LDB2: variants seen among roughly 807,000 people sequenced by gnomAD.
LDB2 encodes LIM domain binding 2.
LDB2 carries 12 observed loss-of-function variants against 44.3 expected under a neutral mutation model. The ratio of observed to expected loss-of-function variants is 0.27; its 90% CI spans 0.17 to 0.44. LDB2 has a LOEUF of 0.44. Ranked by LOEUF, LDB2 falls within the 20% of genes least tolerant of loss-of-function variation. The probability of loss-of-function intolerance (pLI) is 1.00; values close to 1 mark genes in which losing one functional copy is unlikely to be tolerated. For synonymous variants in LDB2, 164 were observed against 174.8 expected (o/e 0.94, Z 0.49); for missense variants, 344 against 473.5 (o/e 0.73, Z 2.54).
At chr4:16,727,274 G>C (rs1376627290) in intron 2 of LDB2, among the ~76,000 whole-genome samples, 1 of 152,158 alleles carries the variant, frequency 6.6e-6, no homozygotes, top group Admixed American at 6.5e-5. Flanking sequence ...AGAAGAGCAG[G>C]GGAGGTTCTT....
chr4:16,656,346 A>T (rs781505628), intron 2 of LDB2, among the ~76,000 whole-genome samples: 1 of 152,310 alleles, frequency 6.6e-6, no homozygotes, highest in African/African-American at 2.4e-5. Context: ...AGTCAGAAGG[A>T]GAGCACAGTA....
intron 2 of LDB2, among the ~76,000 whole-genome samples, chr4:16,619,014 G>A (rs1728137356): frequency 6.6e-6 from 1 of 152,182 alleles, no homozygotes; most frequent in Non-Finnish European, 1.5e-5. Flanking sequence ...CTTTCGCCAT[G>A]ATTGTAAGTT....
intron 5 of LDB2, among the ~76,000 whole-genome samples, chr4:16,518,010 G>A (rs1724503471): frequency 6.6e-6 from 1 of 152,178 alleles, no homozygotes; most frequent in Non-Finnish European, 1.5e-5. Flanking sequence ...GTGCTCTGAA[G>A]TGATGAATTT....
At chr4:16,526,482 C>T (rs1262688179) in intron 5 of LDB2, among the ~76,000 whole-genome samples, 1 of 152,188 alleles carries the variant, frequency 6.6e-6, no homozygotes, top group East Asian at 1.9e-4. Flanking sequence ...ATATCTACTG[C>T]AGAACTCCTC....
chr4:16,708,532 T>C (rs1755125648), intron 2 of LDB2, among the ~76,000 whole-genome samples: 1 of 152,096 alleles, frequency 6.6e-6, no homozygotes, highest in African/African-American at 2.4e-5. Context: ...ACTTACCACC[T>C]ACCACCTTCC....
chr4:16,781,742 G>A (rs1239053600), intron 1 of LDB2, among the ~76,000 whole-genome samples: 4 of 152,112 alleles, frequency 2.6e-5, no homozygotes, highest in East Asian at 1.9e-4. Flanking sequence ...CTGGAATCTC[G>A]GAATGTGACC....
chr4:16,707,407 T>C (rs113658230), intron 2 of LDB2, among the ~76,000 whole-genome samples: 127 of 152,256 alleles, frequency 8.3e-4, no homozygotes, highest in African/African-American at 3.0e-3. Flanking sequence ...AATGGCCAAA[T>C]GGACATGGGA....
chr4:16,545,945 G>A (rs1011486045), intron 5 of LDB2, among the ~76,000 whole-genome samples: 36 of 152,318 alleles, frequency 2.4e-4, no homozygotes, highest in African/African-American at 7.9e-4. Context: ...AATTCGAGGT[G>A]AAATTTCCAA....
At chr4:16,727,309 T>C (rs1759717378) in intron 2 of LDB2, among the ~76,000 whole-genome samples, 1 of 152,172 alleles carries the variant, frequency 6.6e-6, no homozygotes, top group Admixed American at 6.5e-5. Context: ...AGAAACAACC[T>C]CAGCAATTTC....
intron 2 of LDB2, among the ~76,000 whole-genome samples, chr4:16,703,842 T>G (rs2152640059): frequency 6.6e-6 from 1 of 152,350 alleles, no homozygotes; most frequent in East Asian, 1.9e-4. Context: ...AAATTAGATA[T>G]AATTTATGTG....
chr4:16,671,745 C>G (rs1460164097), intron 2 of LDB2, among the ~76,000 whole-genome samples: 1 of 151,836 alleles, frequency 6.6e-6, no homozygotes, highest in Non-Finnish European at 1.5e-5. Context: ...GCTTGGGGGT[C>G]CTGACAAAGC....
chr4:16,721,474 A>AT (rs1328023453), intron 2 of LDB2, among the ~76,000 whole-genome samples: 1 of 152,076 alleles, frequency 6.6e-6, no homozygotes, highest in Non-Finnish European at 1.5e-5. Context: ...ATCTATGTTA[A>AT]TTTTTTAGAA....
intron 2 of LDB2, among the ~76,000 whole-genome samples, chr4:16,758,545 G>A (rs1767161777): frequency 6.6e-6 from 1 of 152,172 alleles, no homozygotes; most frequent in African/African-American, 2.4e-5. Flanking sequence ...AACCTAATCA[G>A]GACAGATCAG....
intron 5 of LDB2, among the ~76,000 whole-genome samples, chr4:16,529,072 T>A (rs939943153): frequency 2.6e-5 from 4 of 152,196 alleles, no homozygotes; most frequent in Non-Finnish European, 2.9e-5. Context: ...TACCAGTACT[T>A]GGTGTTTACA....
At chr4:16,586,528 AAC>A (rs375304103) in intron 4 of LDB2, among the ~76,000 whole-genome samples, 15 of 69,488 alleles carry the variant, frequency 2.2e-4, no homozygotes, top group Admixed American at 2.5e-4. Flanking sequence ...ACACACACAA[AAC>A]ACACACACAC....
In LDB2 at chr4:16,807,073, T is replaced by C. The variant is rs761705181; in HGVS notation, c.133-47813A>G. ...CTGATCAGTCCCATCCTGGGACACA[T>C]TGACAAGTCCCTCTTACATGTGTTT... On this transcript the variant is annotated intron_variant, in intron 1 of 7. Coordinates refer to ENST00000304523, the MANE Select transcript of LDB2 (RefSeq NM_001290.5). Among the ~76,000 whole-genome samples, 18 of 152,334 alleles carry C rather than the reference T, an allele frequency of 1.2e-4. 1 individual carries two copies. In the South Asian group the frequency reaches 1.4e-3, roughly 12 times the overall value.
chr4:16,827,240 G>A (rs568119143), intron 1 of LDB2, among the ~76,000 whole-genome samples: 8 of 152,236 alleles, frequency 5.3e-5, no homozygotes, highest in African/African-American at 1.9e-4. Context: ...CTCCACTCGG[G>A]GCAGCATTGC....
intron 1 of LDB2, among the ~76,000 whole-genome samples, chr4:16,830,223 G>C (rs1369737706): frequency 6.6e-6 from 1 of 152,194 alleles, no homozygotes; most frequent in East Asian, 1.9e-4. Context: ...GGTGTTGAGG[G>C]AGAGACCTGG....
chr4:16,709,177 T>C (rs1234492077), intron 2 of LDB2, among the ~76,000 whole-genome samples: 1 of 152,218 alleles, frequency 6.6e-6, no homozygotes, highest in Non-Finnish European at 1.5e-5. Flanking sequence ...ATAAGTTAAA[T>C]TTTAAAAATG....
Sources: gnomAD v4.1 joint callset for allele counts (sites outside exome capture counted in the v4.1 genomes callset) on GRCh38, gnomAD v4.1.1 for gene constraint, MANE v1.5 for transcripts, NCBI Gene and HGNC (gene_info 2026-07-23, HGNC 2026-07-21) for gene names.